SIMC1: variants seen among roughly 807,000 people sequenced by gnomAD.
SIMC1 encodes SUMO-interacting motif-containing protein 1.
Under a neutral mutation model 82.3 loss-of-function variants are expected in SIMC1, and 55 were observed. That is an observed-to-expected ratio of 0.67 (90% CI 0.54 to 0.84). The LOEUF is 0.84. Among genes scored for constraint, SIMC1 ranks in the 40% least tolerant of loss-of-function variants. SIMC1 has a pLI of 0.00. For missense variants in SIMC1, 915 were observed against 1,107.2 expected (o/e 0.83, Z 2.46); for synonymous variants, 353 against 426.3 (o/e 0.83, Z 2.12).
chr5:176,280,301 GC>G (rs1762930383), intron 1 of SIMC1, among the ~76,000 whole-genome samples: 2 of 152,068 alleles, frequency 1.3e-5, no homozygotes, highest in African/African-American at 4.8e-5. Context: ...TGCAACCCCT[GC>G]CTTTTTTTTG....
intron 4 of SIMC1, among the ~76,000 whole-genome samples, chr5:176,310,275 C>T (rs569386407): frequency 6.6e-6 from 1 of 152,266 alleles, no homozygotes; most frequent in Admixed American, 6.5e-5. Context: ...ATTTTTTAAT[C>T]AAGTTAAACA....
chr5:176,320,585 G>T (rs1765119582), intron 5 of SIMC1, among the ~76,000 whole-genome samples: 1 of 151,966 alleles, frequency 6.6e-6, no homozygotes, highest in African/African-American at 2.4e-5. Flanking sequence ...GCCCAGGCTG[G>T]TCTCAAACTC....
At position 176,289,732 on chromosome 5, in the gene SIMC1, G is replaced by A. The variant is rs773690730; in HGVS notation, c.208G>A (p.Ala70Thr). 9 of 1,613,628 alleles carry A rather than the reference G, an allele frequency of 5.6e-6. No individual in the cohort carries two copies. The highest frequency in any genetic ancestry group is 1.1e-5 in the South Asian group (1 of 91,012). ...ACTGTATGTGATTGACCTGACAAGA[G>A]CTGAGGGAGAAAATAGACCTATTGC... is the stretch of plus-strand genomic sequence containing the variant. The part of the protein sequence containing the change: ...SGLYVIDLTR[A>T]EGENRPIATL... The change falls in exon 2 of 10, where the codon GCT (alanine) becomes ACT (threonine). Residue 70 changes from alanine (A) to threonine (T), a missense_variant. By Grantham distance (58) the Ala-to-Thr change is moderately conservative. This residue lies in a region of SIMC1 where 902 missense variants were observed against 1,040.3 expected (regional missense o/e 0.87). Transcript: ENST00000429602.
intron 7 of SIMC1, among the ~76,000 whole-genome samples, chr5:176,326,397 T>C (rs151074627): frequency 3.9e-5 from 6 of 152,222 alleles, no homozygotes; most frequent in African/African-American, 1.4e-4. Flanking sequence ...TTTTTTCTTT[T>C]TCTTTTTCTT....
rs180769136 is a variant in SIMC1, at chr5:176,246,615, A to T, written c.129+7978A>T. Among the ~76,000 whole-genome samples the T allele has an allele frequency of 2.9e-3, 434 of 151,726 alleles. 1 individual carries two copies. Among genetic ancestry groups the T allele is most frequent in the African/African-American group, 9.7e-3 (400 of 41,370 alleles). On this transcript the variant is annotated intron_variant, in intron 1 of 9. Coordinates refer to ENST00000429602, the MANE Select transcript of SIMC1 (RefSeq NM_001308195.2). Reference sequence around the variant, plus strand: ...ACCATGCCTAGCTAATTTTTTATTTATTATTATTATTATTCTTTAAGTTCT... The same window carrying T: ...ACCATGCCTAGCTAATTTTTTATTTTTTATTATTATTATTCTTTAAGTTCT...
chr5:176,245,085 C>G (rs553675318), intron 1 of SIMC1, among the ~76,000 whole-genome samples: 2 of 152,266 alleles, frequency 1.3e-5, no homozygotes, highest in African/African-American at 4.8e-5. Context: ...GGAACTGTAT[C>G]TCCTAAAAAG....
intron 2 of SIMC1, 53 bp from the exon 3 acceptor site, chr5:176,294,977 A>C: frequency 6.6e-7 from 1 of 1,521,312 alleles, no homozygotes; most frequent in Non-Finnish European, 8.8e-7. Flanking sequence ...AAAAAAAAAA[A>C]AAAAAAAAAG....
chr5:176,273,752 G>A (rs959850678), intron 1 of SIMC1, among the ~76,000 whole-genome samples: 5 of 152,062 alleles, frequency 3.3e-5, no homozygotes, highest in African/African-American at 1.2e-4. Context: ...AGAATATGCG[G>A]TGTTTGGTTT....
intron 1 of SIMC1, among the ~76,000 whole-genome samples, chr5:176,262,427 A>G (rs1762047736): frequency 6.6e-6 from 1 of 152,128 alleles, no homozygotes; most frequent in East Asian, 1.9e-4. Flanking sequence ...ATCAGGGATA[A>G]GGCAAGGATG....
At chr5:176,313,178 G>T (rs1253168939) in intron 4 of SIMC1, 2 of 779,654 alleles carry the variant, frequency 2.6e-6, no homozygotes, top group African/African-American at 3.6e-5. Context: ...CGCATGACTG[G>T]AAGTTCATCA....
intron 1 of SIMC1, among the ~76,000 whole-genome samples, chr5:176,279,247 T>C (rs1359332801): frequency 1.3e-5 from 2 of 152,238 alleles, no homozygotes; most frequent in Non-Finnish European, 2.9e-5. Flanking sequence ...TAGAGGTGTT[T>C]GTAGTATTCT....
chr5:176,263,592 G>C, intron 1 of SIMC1: 1 of 1,299,578 alleles, frequency 7.7e-7, no homozygotes, highest in Non-Finnish European at 1.0e-6. Context: ...AATCCCTTGA[G>C]AATGGCACCA....
At chr5:176,344,474 C>CAA (rs1449158546) in intron 9 of SIMC1, among the ~76,000 whole-genome samples, 1 of 93,402 alleles carries the variant, frequency 1.1e-5, no homozygotes, top group African/African-American at 4.3e-5. Flanking sequence ...AGTATACACA[C>CAA]ACACACACAC....
At chr5:176,327,641 G>T (rs1406050305) in intron 7 of SIMC1, among the ~76,000 whole-genome samples, 1 of 152,182 alleles carries the variant, frequency 6.6e-6, no homozygotes, top group Non-Finnish European at 1.5e-5. Flanking sequence ...GAGAAGCAGT[G>T]AGAGTAGACA....
chr5:176,265,882 C>G (rs1762190876), intron 1 of SIMC1, among the ~76,000 whole-genome samples: 2 of 151,478 alleles, frequency 1.3e-5, no homozygotes, highest in African/African-American at 4.9e-5. Context: ...TTATAGCTAC[C>G]AAGGATACAG....
chr5:176,323,741 C>A (rs998290327), intron 6 of SIMC1, among the ~76,000 whole-genome samples: 3 of 152,042 alleles, frequency 2.0e-5, no homozygotes, highest in African/African-American at 7.2e-5. Context: ...AATCCCAGCA[C>A]TTTGGGAGGC....
At chr5:176,330,789 G>T (rs145776813) in intron 7 of SIMC1, among the ~76,000 whole-genome samples, 2 of 152,152 alleles carry the variant, frequency 1.3e-5, no homozygotes, top group African/African-American at 4.8e-5. Context: ...GACGTGAATG[G>T]ATACTAACAT....
At chr5:176,258,010 A>G (rs1404157791) in intron 1 of SIMC1, among the ~76,000 whole-genome samples, 2 of 152,196 alleles carry the variant, frequency 1.3e-5, no homozygotes, top group East Asian at 3.9e-4. Context: ...TTATAAGTTA[A>G]TTAAAGGAGA....
intron 1 of SIMC1, among the ~76,000 whole-genome samples, chr5:176,281,860 G>T (rs1561690466): frequency 6.6e-6 from 1 of 152,228 alleles, no homozygotes; most frequent in Non-Finnish European, 1.5e-5. Flanking sequence ...CTCCCAGTTA[G>T]GCTGCTCAGG....
Sources: allele counts gnomAD v4.1 joint callset (sites outside exome capture counted in the v4.1 genomes callset), GRCh38; gene constraint gnomAD v4.1.1; regional missense constraint gnomAD v4.1.1; transcripts MANE v1.5; gene names NCBI Gene and HGNC (gene_info 2026-07-23, HGNC 2026-07-21).